CACNA1C: variants seen among roughly 807,000 people sequenced by gnomAD.
The protein encoded by CACNA1C is calcium voltage-gated channel subunit alpha1 C.
CACNA1C carries 30 observed loss-of-function variants against 229.0 expected under a neutral mutation model. The observed-to-expected ratio is 0.13, with a 90% confidence interval of 0.10 to 0.18. The LOEUF (loss-of-function observed/expected upper bound fraction) is 0.18. CACNA1C is among the 10% of genes least tolerant of loss of function. The pLI is 1.00. For missense variants in CACNA1C, 1,658 were observed against 2,845.0 expected (o/e 0.58, Z 9.49); for synonymous variants, 1,114 against 1,132.5 (o/e 0.98, Z 0.33).
chr12:2,473,870 A>T (rs2099605743), intron 5 of CACNA1C, among the ~76,000 whole-genome samples: 1 of 152,256 alleles, frequency 6.6e-6, no homozygotes, highest in African/African-American at 2.4e-5. Flanking sequence ...TTAGAAAATA[A>T]GTAAGTATGT....
At chr12:1,986,234 A>G (rs2037738075) in intron 1 of CACNA1C, among the ~76,000 whole-genome samples, 3 of 152,176 alleles carry the variant, frequency 2.0e-5, no homozygotes, top group Non-Finnish European at 4.4e-5. Context: ...GTTCTGTTAC[A>G]TGTATGTAGC....
intron 42 of CACNA1C, chr12:2,681,959 C>A: frequency 1.3e-6 from 2 of 1,597,276 alleles, no homozygotes; most frequent in South Asian, 1.1e-5. Context: ...GGGAAAGGCA[C>A]GTTCCGATGT....
chr12:2,508,290 G>T (rs1190240699), intron 8 of CACNA1C, among the ~76,000 whole-genome samples: 2 of 152,232 alleles, frequency 1.3e-5, no homozygotes, highest in Non-Finnish European at 1.5e-5. Flanking sequence ...AGGAAAGATT[G>T]AACGGTGCTT....
At chr12:2,157,209 GA>G (rs1243503901) in intron 3 of CACNA1C, among the ~76,000 whole-genome samples, 2 of 152,312 alleles carry the variant, frequency 1.3e-5, no homozygotes, top group East Asian at 3.9e-4. Flanking sequence ...TAATTAGCTA[GA>G]TTGAGTAATT....
chr12:2,511,225 A>G (rs572631001), intron 8 of CACNA1C, among the ~76,000 whole-genome samples: 12 of 152,298 alleles, frequency 7.9e-5, no homozygotes, highest in African/African-American at 2.6e-4. Flanking sequence ...CATTCTCCCA[A>G]TTAAAAAGTT....
chr12:2,256,121 A>G (rs114310140), intron 3 of CACNA1C, among the ~76,000 whole-genome samples: 1,312 of 125,494 alleles, frequency 0.01, 19 homozygotes, highest in South Asian at 0.019. Context: ...CACACAACTC[A>G]GGGATGGGGT....
intron 3 of CACNA1C, among the ~76,000 whole-genome samples, chr12:2,359,922 A>G (rs561204851): frequency 5.0e-4 from 76 of 152,252 alleles, no homozygotes; most frequent in African/African-American, 1.6e-3. Flanking sequence ...TCCACCAAGC[A>G]GTCTTCCCAG....
chr12:2,332,361 A>G (rs2154515106), intron 3 of CACNA1C, among the ~76,000 whole-genome samples: 1 of 152,342 alleles, frequency 6.6e-6, no homozygotes, highest in East Asian at 1.9e-4. Context: ...AAATAAAAAG[A>G]TAAAAAGAAA....
At chr12:2,440,967 C>T (rs1043592186) in intron 3 of CACNA1C, among the ~76,000 whole-genome samples, 3 of 152,188 alleles carry the variant, frequency 2.0e-5, no homozygotes, top group Non-Finnish European at 4.4e-5. Flanking sequence ...AGAGGTTGTG[C>T]ATCCTTCATC....
chr12:2,550,777 G>A lies in CACNA1C; in HGVS notation c.1481+744G>A, dbSNP rs1328640261. The A allele has an allele frequency of 2.0e-5, 16 of 807,720 alleles. No individual in the cohort carries two copies. In the South Asian group the frequency reaches 2.5e-4, roughly 13 times the overall value. 50.0% of individuals were successfully genotyped at this position (807,720 alleles called of 1,614,324 possible). ...TGGGCAAGCGCAGCCCTTTCACAAC[G>A]CTGAGCTGTGGAAGAGTCTAAACAC... On this transcript the variant is annotated intron_variant, in intron 10 of 46. Coordinates refer to ENST00000399655, the MANE Select transcript of CACNA1C (RefSeq NM_000719.7).
chr12:2,591,083 C>T (rs1264414468), intron 18 of CACNA1C, among the ~76,000 whole-genome samples: 1 of 152,180 alleles, frequency 6.6e-6, no homozygotes, highest in Non-Finnish European at 1.5e-5. Flanking sequence ...AATTGTCTTG[C>T]TGGTCAGCTC....
intron 3 of CACNA1C, among the ~76,000 whole-genome samples, chr12:2,291,813 C>T (rs145808834): frequency 4.6e-5 from 7 of 152,278 alleles, no homozygotes; most frequent in African/African-American, 1.2e-4. Context: ...CTGTTTACTA[C>T]GTGGGAAGAG....
intron 9 of CACNA1C, among the ~76,000 whole-genome samples, chr12:2,528,614 G>A (rs2099832615): frequency 6.6e-6 from 1 of 152,216 alleles, no homozygotes; most frequent in African/African-American, 2.4e-5. Flanking sequence ...GCCAATCACG[G>A]AGACACAAGT....
intron 3 of CACNA1C, among the ~76,000 whole-genome samples, chr12:2,147,608 A>T (rs915609422): frequency 6.6e-6 from 1 of 151,306 alleles, no homozygotes; most frequent in Non-Finnish European, 1.5e-5. Flanking sequence ...TAAAGATTGA[A>T]TGAGTGTCAG....
intron 3 of CACNA1C, among the ~76,000 whole-genome samples, chr12:2,382,804 G>A (rs975574623): frequency 6.6e-6 from 1 of 152,158 alleles, no homozygotes; most frequent in Non-Finnish European, 1.5e-5. Flanking sequence ...AACTTGCATC[G>A]ATGTGGAACT....
At chr12:2,241,860 C>T (rs549091935) in intron 3 of CACNA1C, among the ~76,000 whole-genome samples, 1 of 152,178 alleles carries the variant, frequency 6.6e-6, no homozygotes, top group Non-Finnish European at 1.5e-5. Context: ...AGTGGGTCCG[C>T]AGTAAATTTT....
intron 3 of CACNA1C, among the ~76,000 whole-genome samples, chr12:2,350,877 G>A (rs1255499702): frequency 6.6e-6 from 1 of 152,216 alleles, no homozygotes; most frequent in East Asian, 1.9e-4. Flanking sequence ...GTCCTTTGTA[G>A]CCTTCTTGGC....
intron 3 of CACNA1C, among the ~76,000 whole-genome samples, chr12:2,292,081 C>T (rs551843381): frequency 2.0e-4 from 31 of 152,336 alleles, no homozygotes; most frequent in African/African-American, 2.4e-4. Flanking sequence ...CTGGAAATAG[C>T]GTGGAGTCAA....
intron 3 of CACNA1C, among the ~76,000 whole-genome samples, chr12:2,392,275 C>T (rs2098497302): frequency 6.6e-6 from 1 of 152,228 alleles, no homozygotes. Context: ...CTTTCCACTG[C>T]TACCATCATA....
Sources: allele counts gnomAD v4.1 joint callset (sites outside exome capture counted in the v4.1 genomes callset), GRCh38; gene constraint gnomAD v4.1.1; transcripts MANE v1.5; gene names NCBI Gene and HGNC (gene_info 2026-07-23, HGNC 2026-07-21).